The following NUBPL variants were observed in gnomAD, a reference collection of about 807,000 sequenced individuals.
The protein encoded by NUBPL is iron-sulfur cluster transfer protein NUBPL.
NUBPL carries 31 observed loss-of-function variants against 45.7 expected under a neutral mutation model. The observed-to-expected ratio is 0.68, with a 90% CI of 0.51 to 0.92. NUBPL has a LOEUF of 0.92. Ranked by LOEUF, NUBPL falls within the 40% of genes least tolerant of loss-of-function variation. The probability of loss-of-function intolerance (pLI) is 0.00; values close to 1 mark genes in which losing one functional copy is unlikely to be tolerated. For missense variants in NUBPL, 401 were observed against 398.7 expected, an observed-to-expected ratio of 1.01 and a Z score of -0.05; for synonymous variants, 144 against 140.9, an observed-to-expected ratio of 1.02 and a Z score of -0.15.
At chr14:31,681,163 G>A (rs998002426) in intron 6 of NUBPL, among the ~76,000 whole-genome samples, 11 of 151,950 alleles carry the variant, frequency 7.2e-5, no homozygotes, top group Non-Finnish European at 1.3e-4. Context: ...GTATTTGAAG[G>A]AATTTATCGG....
chr14:31,790,164 C>A (rs2039353132), intron 7 of NUBPL, among the ~76,000 whole-genome samples: 2 of 152,150 alleles, frequency 1.3e-5, no homozygotes, highest in African/African-American at 4.8e-5. Context: ...CACAGATAAA[C>A]TGATGTTGCC....
intron 6 of NUBPL, among the ~76,000 whole-genome samples, chr14:31,674,053 C>G (rs1024730004): frequency 1.3e-5 from 2 of 152,124 alleles, no homozygotes; most frequent in Non-Finnish European, 2.9e-5. Context: ...TGTGTAATAT[C>G]TGTCCAATCA....
At chr14:31,726,623 A>G (rs375468499) in intron 6 of NUBPL, among the ~76,000 whole-genome samples, 19 of 151,804 alleles carry the variant, frequency 1.3e-4, no homozygotes, top group African/African-American at 4.6e-4. Flanking sequence ...AGTATCCTCA[A>G]TGTCTAGAGA....
chr14:31,658,177 A>G (rs1213007791), intron 4 of NUBPL, among the ~76,000 whole-genome samples: 1 of 152,206 alleles, frequency 6.6e-6, no homozygotes, highest in African/African-American at 2.4e-5. Context: ...TAACCTTTCA[A>G]CTGTGTGTTA....
intron 6 of NUBPL, among the ~76,000 whole-genome samples, chr14:31,708,762 G>C (rs943228352): frequency 2.0e-5 from 3 of 152,184 alleles, no homozygotes; most frequent in Admixed American, 6.5e-5. Context: ...GCTGGCGCTT[G>C]TTCCGGGCAC....
At chr14:31,691,745 C>T (rs564870483) in intron 6 of NUBPL, among the ~76,000 whole-genome samples, 2 of 152,228 alleles carry the variant, frequency 1.3e-5, no homozygotes, top group African/African-American at 2.4e-5. Context: ...AGAATTATAC[C>T]AGGACGGGGC....
intron 6 of NUBPL, among the ~76,000 whole-genome samples, chr14:31,722,672 A>G (rs778167155): frequency 1.3e-5 from 2 of 152,126 alleles, no homozygotes; most frequent in Middle Eastern, 3.4e-3. Context: ...TTTGATTTGC[A>G]TTTCTCTAAC....
At chr14:31,637,183 G>A (rs2035529305) in intron 4 of NUBPL, among the ~76,000 whole-genome samples, 1 of 151,816 alleles carries the variant, frequency 6.6e-6, no homozygotes, top group African/African-American at 2.4e-5. Flanking sequence ...GTGATGTTAG[G>A]GTGTCAATTT....
intron 6 of NUBPL, among the ~76,000 whole-genome samples, chr14:31,740,161 G>C (rs1357364407): frequency 1.3e-5 from 2 of 152,108 alleles, no homozygotes; most frequent in African/African-American, 4.8e-5. Context: ...ATCTATTTTG[G>C]GTAAATACCA....
intron 4 of NUBPL, among the ~76,000 whole-genome samples, chr14:31,613,013 T>C (rs149777453): frequency 1.3e-5 from 2 of 152,192 alleles, no homozygotes; most frequent in Admixed American, 1.3e-4. Context: ...TGCAGCACTG[T>C]TCACAATAGC....
chr14:31,642,623 G>A (rs1259538697), intron 4 of NUBPL, among the ~76,000 whole-genome samples: 1 of 152,110 alleles, frequency 6.6e-6, no homozygotes, highest in Non-Finnish European at 1.5e-5. Context: ...GTAGTGTGAT[G>A]CATCCATCTT....
chr14:31,596,045 C>T (rs1248671584), intron 3 of NUBPL, among the ~76,000 whole-genome samples: 2 of 151,622 alleles, frequency 1.3e-5, no homozygotes, highest in African/African-American at 4.8e-5. Context: ...TAGCTGGGAC[C>T]ACAGGTGCCC....
At chr14:31,839,416 GA>G (rs749359270) in intron 8 of NUBPL, among the ~76,000 whole-genome samples, 63 of 152,178 alleles carry the variant, frequency 4.1e-4, no homozygotes, top group Non-Finnish European at 7.9e-4. Context: ...TCCACATGCA[GA>G]AGAATGAAAT....
intron 4 of NUBPL, chr14:31,662,211 T>A (rs1181437048): frequency 1.3e-5 from 2 of 151,808 alleles, no homozygotes; most frequent in African/African-American, 4.8e-5. Flanking sequence ...GCTTTCAATT[T>A]ATAATTTATC....
intron 4 of NUBPL, among the ~76,000 whole-genome samples, chr14:31,666,410 A>G (rs1434217349): frequency 6.6e-6 from 1 of 151,428 alleles, no homozygotes; most frequent in Admixed American, 6.6e-5. Context: ...GACTGCAGGT[A>G]TGCACCACCA....
At chr14:31,812,992 T>G (rs1171425615) in intron 7 of NUBPL, among the ~76,000 whole-genome samples, 4 of 150,424 alleles carry the variant, frequency 2.7e-5, no homozygotes, top group Non-Finnish European at 4.4e-5. Flanking sequence ...TCTTTTTTTT[T>G]TTTTTTTTTT....
At chr14:31,584,079 T>G (rs1411376784) in intron 3 of NUBPL, among the ~76,000 whole-genome samples, 1 of 152,226 alleles carries the variant, frequency 6.6e-6, no homozygotes, top group Non-Finnish European at 1.5e-5. Context: ...CCGTTTTACC[T>G]ACTATTAAGT....
intron 4 of NUBPL, among the ~76,000 whole-genome samples, chr14:31,615,575 G>A (rs1362922169): frequency 6.6e-6 from 1 of 152,080 alleles, no homozygotes; most frequent in Non-Finnish European, 1.5e-5. Flanking sequence ...GTGTTAGTTT[G>A]CTGAGAATGA....
chr14:31,807,721 G>C (rs2039717414), intron 7 of NUBPL, among the ~76,000 whole-genome samples: 1 of 152,148 alleles, frequency 6.6e-6, no homozygotes, highest in Non-Finnish European at 1.5e-5. Context: ...CAATGGCGTT[G>C]CCTAGGTTTT....
Sources: gnomAD v4.1 joint callset for allele counts (sites outside exome capture counted in the v4.1 genomes callset) on GRCh38, gnomAD v4.1.1 for gene constraint, MANE v1.5 for transcripts, NCBI Gene and HGNC (gene_info 2026-07-23, HGNC 2026-07-21) for gene names.